The following INTS6 variants were observed in gnomAD, a reference collection of about 807,000 sequenced individuals.
The protein encoded by INTS6 is integrator complex subunit 6.
INTS6 carries 16 observed loss-of-function variants against 104.9 expected under a neutral mutation model. The ratio of observed to expected loss-of-function variants is 0.15; its 90% CI spans 0.10 to 0.23. The LOEUF (loss-of-function observed/expected upper bound fraction) is 0.23, where lower values mean the gene tolerates loss of function less well. Among genes scored for constraint, INTS6 ranks in the 10% least tolerant of loss-of-function variants. The probability of loss-of-function intolerance (pLI) is 1.00; values close to 1 mark genes in which losing one functional copy is unlikely to be tolerated. For missense variants in INTS6, 584 were observed against 1,062.8 expected (o/e 0.55, Z 6.26); for synonymous variants, 324 against 358.7 (o/e 0.90, Z 1.09).
intron 11 of INTS6, among the ~76,000 whole-genome samples, chr13:51,378,868 CCCTGGAAA>C (rs1474608986): frequency 1.3e-5 from 2 of 151,934 alleles, no homozygotes; most frequent in Non-Finnish European, 2.9e-5. Flanking sequence ...TGCAGTTCTT[CCCTGGAAA>C]GCAAGAAGCA....
intron 4 of INTS6, among the ~76,000 whole-genome samples, chr13:51,428,665 T>C (rs898900203): frequency 8.5e-5 from 13 of 152,070 alleles, no homozygotes; most frequent in Admixed American, 2.0e-4. Flanking sequence ...AATCCACGTC[T>C]ACCTGTTTCT....
intron 13 of INTS6, 140 bp downstream of exon 13, chr13:51,375,908 T>C (rs2137892384): frequency 1.5e-6 from 1 of 664,414 alleles, no homozygotes; most frequent in Admixed American, 3.7e-5. Flanking sequence ...ATGATTCACC[T>C]TTTACTTCAT....
chr13:51,412,286 TTA>T lies in INTS6; in HGVS notation c.430-16805_430-16804del, dbSNP rs201665572. Among the ~76,000 whole-genome samples, 624 of 152,330 alleles carry T rather than the reference TTA, an allele frequency of 4.1e-3. 6 individuals are homozygous for T. The highest frequency in any genetic ancestry group is 0.014 in the African/African-American group (600 of 41,574). ...TTTTACACTTGAAATTGCTGTTTCA[TTA>T]TATATAAATTATACCTCAACAAAGG... On this transcript the variant is annotated intron_variant, in intron 4 of 17. Transcript: ENST00000311234.
At chr13:51,370,680 G>A (rs1202393438) in intron 15 of INTS6, among the ~76,000 whole-genome samples, 1 of 152,172 alleles carries the variant, frequency 6.6e-6, no homozygotes, top group Non-Finnish European at 1.5e-5. Context: ...AGTGGCAGCA[G>A]GCTGGGCAGA....
intron 15 of INTS6, among the ~76,000 whole-genome samples, chr13:51,372,729 T>G (rs1955835876): frequency 6.6e-6 from 1 of 152,224 alleles, no homozygotes; most frequent in Admixed American, 6.5e-5. Context: ...GGTCCCAACA[T>G]CTGACCAGTA....
the INTS6 span, among the ~76,000 whole-genome samples, chr13:51,343,746 C>T: frequency 1.3e-5 from 2 of 152,308 alleles, no homozygotes; most frequent in South Asian, 2.1e-4. Context: ...GCTCATGACA[C>T]GCAGTTGTGG....
intron 4 of INTS6, among the ~76,000 whole-genome samples, chr13:51,429,260 T>A (rs117407240): frequency 6.6e-6 from 1 of 152,162 alleles, no homozygotes; most frequent in Non-Finnish European, 1.5e-5. Context: ...TAAACCCTTA[T>A]AAATACCATG....
In INTS6 at chr13:51,381,907, T is replaced by C. The variant is rs1204726799; in HGVS notation, c.1275+122A>G. The stretch of plus-strand genomic sequence containing the variant: ...TAGTAGAAACGGGGTTTCACCATGT[T>C]GGCCAGGCTGGTCTTGATCTCCTGA... On this transcript the variant is annotated intron_variant, in intron 10 of 17. Coordinates refer to ENST00000311234, the MANE Select transcript of INTS6 (RefSeq NM_012141.3). The C allele has an allele frequency of 7.2e-6, 3 of 418,478 alleles. No individual in the cohort carries two copies. The East Asian group carries it at 1.6e-4, about 22-fold the overall frequency. The allele number at this position is 418,478 out of a possible 1,614,324, so 25.9% of individuals were successfully genotyped here. A position where few individuals can be genotyped will look rare whatever the true frequency, so the allele number is the denominator to read the frequency against.
Position 51,364,238 on chromosome 13 carries a change from G to C in INTS6, c.*1514C>G. On this transcript the variant is annotated 3_prime_UTR_variant, in exon 18 of 18. Transcript: ENST00000311234. Reference sequence around the variant, plus strand: ...TATTAAATTCTTCTTTTTCTTGACAGGGTTTGTCTTCAGTATTGGGAGAGT... The same window carrying C: ...TATTAAATTCTTCTTTTTCTTGACACGGTTTGTCTTCAGTATTGGGAGAGT... 1 of 1,429,048 alleles carries C rather than the reference G, an allele frequency of 7.0e-7. No homozygotes were observed. Among genetic ancestry groups the C allele is most frequent in the African/African-American group, 1.4e-5 (1 of 70,226 alleles). The allele number at this position is 1,429,048 out of a possible 1,614,324, so 88.5% of individuals were successfully genotyped here. A position where few individuals can be genotyped will look rare whatever the true frequency, so the allele number is the denominator to read the frequency against.
At chr13:51,347,081 T>C in the INTS6 span, 2 of 1,606,230 alleles carry the variant, frequency 1.2e-6, no homozygotes, top group African/African-American at 1.3e-5. Context: ...CAGTGCAGCA[T>C]TTGCTCAGCT....
At chr13:51,402,795 T>C (rs2137996478) in intron 4 of INTS6, 1 of 152,304 alleles carries the variant, frequency 6.6e-6, no homozygotes, top group Middle Eastern at 3.4e-3. Flanking sequence ...AACCTACTTC[T>C]CCATTGGTCT....
intron 7 of INTS6, chr13:51,385,004 A>C (rs77213302): frequency 0.013 from 2,698 of 207,338 alleles, 50 homozygotes; most frequent in East Asian, 0.07. Context: ...AGTAACAGCC[A>C]ATCACCTAAA....
chr13:51,425,845 A>G (rs2138083689), intron 4 of INTS6, among the ~76,000 whole-genome samples: 1 of 152,226 alleles, frequency 6.6e-6, no homozygotes, highest in Admixed American at 6.5e-5. Context: ...ATGTTTATCA[A>G]CATCAACGGT....
At chr13:51,427,449 C>T (rs1230252056) in intron 4 of INTS6, among the ~76,000 whole-genome samples, 1 of 152,132 alleles carries the variant, frequency 6.6e-6, no homozygotes, top group Non-Finnish European at 1.5e-5. Context: ...TTATGCTTTT[C>T]TATGAATTGA....
At chr13:51,436,257 T>C (rs558424049) in intron 3 of INTS6, among the ~76,000 whole-genome samples, 1 of 152,216 alleles carries the variant, frequency 6.6e-6, no homozygotes, top group South Asian at 2.1e-4. Context: ...TCAAAACAAA[T>C]ACTCTTCAAA....
At position 51,378,444 on chromosome 13, in the gene INTS6, T is replaced by G. The variant is rs755881866; in HGVS notation, c.1397A>C (p.Glu466Ala). The G allele has an allele frequency of 6.2e-7, 1 of 1,612,122 alleles. No homozygotes were observed. Among genetic ancestry groups the G allele is most frequent in the Non-Finnish European group, 8.5e-7 (1 of 1,178,642 alleles). ...TACAGATCCAATGACTCGATCAGAT[T>G]CTATTTTGGCCTAAAGTAAAAATAA... ...LKKLSQQAKI[E>A]SDRVIGSVGK... The change falls in exon 12 of 18, where the codon GAA (glutamate) becomes GCA (alanine). Residue 466 changes from glutamate to alanine, a missense_variant. This residue lies in a region of INTS6 where 144 missense variants were observed against 348.7 expected (regional missense o/e 0.41). Transcript: ENST00000311234.
chr13:51,390,066 T>C (rs1195000128), intron 5 of INTS6, among the ~76,000 whole-genome samples: 1 of 152,102 alleles, frequency 6.6e-6, no homozygotes, highest in Non-Finnish European at 1.5e-5. Context: ...TTTGTACGTT[T>C]TAACTTATAC....
intron 5 of INTS6, among the ~76,000 whole-genome samples, chr13:51,391,201 G>A (rs968944227): frequency 1.3e-5 from 2 of 152,018 alleles, no homozygotes; most frequent in Non-Finnish European, 2.9e-5. Flanking sequence ...AATATTAGAA[G>A]TTTACATAAA....
intron 7 of INTS6, chr13:51,384,579 C>A: frequency 4.4e-6 from 2 of 455,358 alleles, no homozygotes; most frequent in South Asian, 1.6e-5. Context: ...CTGAATCTTC[C>A]ACAGGTTCCT....
Sources: allele counts gnomAD v4.1 joint callset (sites outside exome capture counted in the v4.1 genomes callset), GRCh38; gene constraint gnomAD v4.1.1; regional missense constraint gnomAD v4.1.1; transcripts MANE v1.5; gene names NCBI Gene and HGNC (gene_info 2026-07-23, HGNC 2026-07-21).